SMCO4: variants seen among roughly 807,000 people sequenced by gnomAD.
SMCO4 encodes the protein single-pass membrane and coiled-coil domain-containing protein 4.
SMCO4 carries 4 observed loss-of-function variants against 3.6 expected under a neutral mutation model. That is an observed-to-expected ratio of 1.11 (90% CI 0.54 to 2.53). SMCO4 has a LOEUF of 2.53. SMCO4 is among the 30% of genes most tolerant of loss of function. The pLI, the probability that SMCO4 is intolerant of heterozygous loss-of-function variation, is 0.02. For synonymous variants in SMCO4, 36 were observed against 35.3 expected (o/e 1.02, Z -0.07); for missense variants, 70 against 80.8 (o/e 0.87, Z 0.51).
Position 93,479,094 on chromosome 11 carries a change from T to A in SMCO4, c.96A>T (p.Thr32=). ...CCACGGCCAGCGTGGGCAGCACCACTGTAGTGATCTGCTGCCGGGCCTCCT... is the reference window on the plus strand; with the variant it reads ...CCACGGCCAGCGTGGGCAGCACCACAGTAGTGATCTGCTGCCGGGCCTCCT... ...AMQEARQQIT[T]VVLPTLAVVV... Residue 32 remains threonine, a synonymous_variant, in exon 3 of 3, where the codon ACA becomes ACT. Coordinates refer to ENST00000298966, the MANE Select transcript of SMCO4 (RefSeq NM_020179.3). The A allele has an allele frequency of 6.2e-7, 1 of 1,613,986 alleles. No individual in the cohort carries two copies. The highest frequency in any genetic ancestry group is 8.5e-7 in the Non-Finnish European group (1 of 1,179,986).
rs1297853259 is a variant in SMCO4 at position 93,539,780 on chromosome 11, G to A, written c.-154+3496C>T. On this transcript the variant is annotated intron_variant, in intron 1 of 2. Transcript: ENST00000298966. The stretch of plus-strand genomic sequence containing the variant: ...GCCTTAAAGGACTAGATGGAAATTG[G>A]TCCCATATTAAGCCAAATCCTGCAT... Among the ~76,000 whole-genome samples, 4 of 152,090 alleles carry A rather than the reference G, an allele frequency of 2.6e-5. No homozygotes were observed. The East Asian group carries it at 7.7e-4, about 29-fold the overall frequency.
rs529764672 is a variant in SMCO4 at position 93,495,871 on chromosome 11, T to C, written c.-81+3405A>G. Among the ~76,000 whole-genome samples the C allele has an allele frequency of 2.6e-5, 4 of 152,310 alleles. No homozygotes were observed. In the South Asian group the frequency reaches 6.2e-4, roughly 24 times the overall value. On this transcript the variant is annotated intron_variant, in intron 2 of 2. Coordinates refer to ENST00000298966, the MANE Select transcript of SMCO4 (RefSeq NM_020179.3). Reference sequence around the variant, plus strand: ...CACAATATTCATTCTAAGTACACCTTTGAGAGCCTGAGTTATTTTATTGCG... The same window carrying C: ...CACAATATTCATTCTAAGTACACCTCTGAGAGCCTGAGTTATTTTATTGCG...
At chr11:93,545,779 G>T (rs1265510897), upstream of SMCO4, among the ~76,000 whole-genome samples, 1 of 152,194 alleles carries the variant, frequency 6.6e-6, no homozygotes, top group Non-Finnish European at 1.5e-5. Context: ...TGACCCTGGA[G>T]TTGGCCTTGT....
chr11:93,520,269 G>A (rs1300710501), intron 1 of SMCO4, among the ~76,000 whole-genome samples: 1 of 152,194 alleles, frequency 6.6e-6, no homozygotes, highest in African/African-American at 2.4e-5. Context: ...TGGGCTCCTG[G>A]AAAGACCTTC....
intron 1 of SMCO4, among the ~76,000 whole-genome samples, chr11:93,532,241 C>T (rs1467239475): frequency 6.6e-6 from 1 of 152,228 alleles, no homozygotes; most frequent in East Asian, 1.9e-4. Flanking sequence ...CAGAGACACA[C>T]ACCGTAATGG....
chr11:93,516,496 A>G (rs1489411082), intron 1 of SMCO4, among the ~76,000 whole-genome samples: 2 of 152,234 alleles, frequency 1.3e-5, no homozygotes, highest in Non-Finnish European at 2.9e-5. Context: ...GGAATTAGAA[A>G]AGAGAGAGAT....
At chr11:93,529,170 A>C (rs1275390308) in intron 1 of SMCO4, among the ~76,000 whole-genome samples, 2 of 152,226 alleles carry the variant, frequency 1.3e-5, no homozygotes, top group East Asian at 3.9e-4. Context: ...GCAATTTAAA[A>C]GGCAGTTCCT....
intron 2 of SMCO4, among the ~76,000 whole-genome samples, chr11:93,496,153 T>G (rs2605611): frequency 0.81 from 123,546 of 152,078 alleles, 50,589 homozygotes; most frequent in East Asian, 0.9. Flanking sequence ...TGGGTCCAAA[T>G]TGATGAGAGG....
chr11:93,511,901 A>C (rs945249518), intron 1 of SMCO4, among the ~76,000 whole-genome samples: 5 of 152,166 alleles, frequency 3.3e-5, no homozygotes, highest in Admixed American at 6.6e-5. Context: ...GGTAATTTTC[A>C]TTTTGTAAAC....
intron 2 of SMCO4, among the ~76,000 whole-genome samples, chr11:93,494,573 C>A (rs1948753713): frequency 6.6e-6 from 1 of 152,174 alleles, no homozygotes; most frequent in Non-Finnish European, 1.5e-5. Context: ...AGCATGGCAA[C>A]CCAGGGGAGT....
chr11:93,498,359 G>A lies in SMCO4; in HGVS notation c.-81+917C>T, dbSNP rs189436248. On this transcript the variant is annotated intron_variant, in intron 2 of 2. Coordinates refer to ENST00000298966, the MANE Select transcript of SMCO4 (RefSeq NM_020179.3). ...GCAGGGAGGTGGGTTAAGACACAAA[G>A]TCACTGAGTGAAGCAGTCGAGAGCA... Among the ~76,000 whole-genome samples the A allele has an allele frequency of 1.9e-3, 297 of 152,350 alleles. 2 individuals are homozygous for A. Among genetic ancestry groups the A allele is most frequent in the Non-Finnish European group, 2.4e-3 (166 of 68,036 alleles).
At chr11:93,542,868 C>T (rs1178985060) in intron 1 of SMCO4, among the ~76,000 whole-genome samples, 2 of 152,212 alleles carry the variant, frequency 1.3e-5, no homozygotes, top group Admixed American at 1.3e-4. Flanking sequence ...TCCCACCTTC[C>T]CATACGGGGC....
At chr11:93,482,250 C>G (rs1463668851) in intron 2 of SMCO4, among the ~76,000 whole-genome samples, 1 of 152,150 alleles carries the variant, frequency 6.6e-6, no homozygotes, top group African/African-American at 2.4e-5. Context: ...GAAAAGGGAC[C>G]AACCAGGAAA....
Position 93,499,327 on chromosome 11 carries a change from G to C in SMCO4, c.-132C>G, listed in dbSNP as rs921097255. 1 of 152,204 alleles carries C rather than the reference G, an allele frequency of 6.6e-6. No individual in the cohort carries two copies. Among genetic ancestry groups the C allele is most frequent in the Non-Finnish European group, 1.5e-5 (1 of 68,044 alleles). The allele number at this position is 152,204 out of a possible 1,614,324, so 9.4% of individuals were successfully genotyped here. ...ATTAATTTCAGCAAACTGATTTCCA[G>C]TACAGGTGACTTGAGTTATTCCTGT... On this transcript the variant is annotated 5_prime_UTR_variant, in exon 2 of 3. Transcript: ENST00000298966.
At chr11:93,500,979 A>T (rs746857777) in intron 1 of SMCO4, among the ~76,000 whole-genome samples, 2 of 152,154 alleles carry the variant, frequency 1.3e-5, no homozygotes, top group African/African-American at 4.8e-5. Flanking sequence ...AGCGACAGGG[A>T]CACCAGCTGG....
the SMCO4 span, among the ~76,000 whole-genome samples, chr11:93,550,942 G>A: frequency 1.3e-5 from 2 of 152,204 alleles, no homozygotes; most frequent in East Asian, 3.9e-4. Flanking sequence ...TAACATCAAA[G>A]GTGTTTCCTA....
intron 1 of SMCO4, among the ~76,000 whole-genome samples, chr11:93,521,399 G>A (rs191704433): frequency 5.4e-4 from 82 of 152,292 alleles, no homozygotes; most frequent in Non-Finnish European, 8.5e-4. Context: ...CAGATGCCAG[G>A]CACTGTGCTA....
chr11:93,541,073 TCA>T (rs1298926896), intron 1 of SMCO4, among the ~76,000 whole-genome samples: 2 of 152,148 alleles, frequency 1.3e-5, no homozygotes, highest in African/African-American at 4.8e-5. Context: ...ACAGGAACAT[TCA>T]GTTATGACAA....
intron 1 of SMCO4, among the ~76,000 whole-genome samples, chr11:93,500,840 C>T (rs1333584198): frequency 6.6e-6 from 1 of 152,186 alleles, no homozygotes; most frequent in African/African-American, 2.4e-5. Context: ...GGGTTCTTTG[C>T]CTGCTGCTGT....
Sources: gnomAD v4.1 joint callset for allele counts (sites outside exome capture counted in the v4.1 genomes callset) on GRCh38, gnomAD v4.1.1 for gene constraint, MANE v1.5 for transcripts, NCBI Gene and HGNC (gene_info 2026-07-23, HGNC 2026-07-21) for gene names.